The following TSPOAP1 variants were observed in gnomAD, a reference collection of about 807,000 sequenced individuals.
TSPOAP1 encodes peripheral-type benzodiazepine receptor-associated protein 1.
In TSPOAP1, 87 loss-of-function variants were observed where a neutral mutation model predicts 197.0. That is an observed-to-expected ratio of 0.44 (90% confidence interval 0.37 to 0.53). The LOEUF is 0.53. Among genes scored for constraint, TSPOAP1 ranks in the 20% least tolerant of loss-of-function variants. The pLI, the probability that TSPOAP1 is intolerant of heterozygous loss-of-function variation, is 0.00. For synonymous variants in TSPOAP1, 913 were observed against 998.9 expected (o/e 0.91, Z 1.62); for missense variants, 2,174 against 2,411.3 (o/e 0.90, Z 2.06).
rs1014590168 is a variant in TSPOAP1, at chr17:58,324,460, G to A, written c.942+351C>T. ...GGGGCGTCCCCGCTCTACGGCGGCG[G>A]CGGGAGGAGGCGGCGCGGGCTGGGC... On this transcript the variant is annotated intron_variant, in intron 5 of 31. Transcript: ENST00000343736. The surrounding 1 kb of genome is among the most constrained non-coding windows in gnomAD (Gnocchi z 5.8). Among the ~76,000 whole-genome samples the A allele has an allele frequency of 6.6e-6, 1 of 151,866 alleles. No individual in the cohort carries two copies. Among genetic ancestry groups the A allele is most frequent in the African/African-American group, 2.4e-5 (1 of 41,400 alleles).
intron 27 of TSPOAP1, 88 bp from the exon 28 acceptor site, chr17:58,305,731 T>A: frequency 4.0e-6 from 6 of 1,499,046 alleles, no homozygotes; most frequent in Non-Finnish European, 5.5e-6. Flanking sequence ...GCTGACCCCC[T>A]GTCACCACCT....
intron 1 of TSPOAP1, among the ~76,000 whole-genome samples, 193 bp downstream of exon 1, chr17:58,327,395 G>A (rs753976884): frequency 6.6e-6 from 1 of 152,186 alleles, no homozygotes; most frequent in Non-Finnish European, 1.5e-5. Context: ...GACAAATGAC[G>A]AAAGAAATGG....
chr17:58,326,829 C>T lies in TSPOAP1; in HGVS notation c.334-39G>A. 6.4e-7 allele frequency: 1 copy of T among 1,552,172 alleles called. No homozygotes were observed. Among genetic ancestry groups the T allele is most frequent in the Middle Eastern group, 1.7e-4 (1 of 5,954 alleles). On this transcript the variant is annotated intron_variant, in intron 1 of 31. Coordinates refer to ENST00000343736, the MANE Select transcript of TSPOAP1 (RefSeq NM_004758.4). The surrounding 1 kb of genome is among the most constrained non-coding windows in gnomAD (Gnocchi z 4.7). ...GGACCGAGGACAGCACCTCAGAAAC[C>T]CACGTCACCCAGCCAGAGCCTTCCC...
rs1348330174 is a variant in TSPOAP1, at chr17:58,304,921, A to G, written c.5544+140T>C. ...TGGTGGGGCTCCCCTCTGGTGGTCA[A>G]TTAGCGGCTGCACGCTGGACACAGT... is the stretch of plus-strand genomic sequence containing the variant. On this transcript the variant is annotated intron_variant, in intron 30 of 31. Transcript: ENST00000343736. The surrounding 1 kb of genome is among the most constrained non-coding windows in gnomAD (Gnocchi z 4.2). The G allele has an allele frequency of 5.5e-6, 4 of 727,400 alleles. No homozygotes were observed. The highest frequency in any genetic ancestry group is 2.0e-5 in the Admixed American group (1 of 50,562). 45.1% of individuals were successfully genotyped at this position (727,400 alleles called of 1,614,324 possible).
Position 58,328,088 on chromosome 17 carries a change from G to T in TSPOAP1, c.-168C>A. ...TTCCCCACCCACAAAGGAGGCTGCA[G>T]AAGGCGCCAGGGCTGCTGGAGCTGG... On this transcript the variant is annotated 5_prime_UTR_variant, in exon 1 of 32. The change creates a new upstream start codon in the 5' untranslated region. Transcript: ENST00000343736. This position sits in a 1 kb window ranked among gnomAD's most constrained non-coding sequence, Gnocchi z 4.3. 3.1e-6 allele frequency: 2 copies of T among 651,286 alleles called. No homozygotes were observed. The highest frequency in any genetic ancestry group is 5.2e-6 in the Non-Finnish European group (2 of 385,142). The allele number at this position is 651,286 out of a possible 1,614,324, so 40.3% of individuals were successfully genotyped here. A position where few individuals can be genotyped will look rare whatever the true frequency, so the allele number is the denominator to read the frequency against.
At chr17:58,315,069 TG>T (rs1462295922) in intron 16 of TSPOAP1, among the ~76,000 whole-genome samples, 1 of 152,142 alleles carries the variant, frequency 6.6e-6, no homozygotes, top group African/African-American at 2.4e-5. Flanking sequence ...TTGATTTGGG[TG>T]GGGTTTTTTT....
rs747775259 is a variant in TSPOAP1, at chr17:58,316,071, C to T, written c.2050G>A (p.Glu684Lys). ...ATGTTGCCATAGATGTAGATGTACT[C>T]GCCAGCTGTCAGCGGAAGCTCTGCT... Reference protein sequence around the residue: ...PEAELPLTAGEYIYIYGNMDE... With the variant: ...PEAELPLTAGKYIYIYGNMDE... The change falls in exon 16 of 32, where the codon GAG becomes AAG. Residue 684 changes from glutamate (E) to lysine (K), a missense_variant. Glu to Lys is a moderately conservative substitution (Grantham distance 56). This residue lies in a region of TSPOAP1 where 1,933 missense variants were observed against 2,139.0 expected (regional missense o/e 0.90). Coordinates refer to ENST00000343736, the MANE Select transcript of TSPOAP1 (RefSeq NM_004758.4). 5.0e-6 allele frequency: 8 copies of T among 1,614,102 alleles called. No homozygotes were observed. The highest frequency in any genetic ancestry group is 1.1e-5 in the South Asian group (1 of 91,084).
At chr17:58,316,402 G>T in intron 15 of TSPOAP1, 23 bp downstream of exon 15, 1 of 1,588,914 alleles carries the variant, frequency 6.3e-7, no homozygotes, top group African/African-American at 1.3e-5. Flanking sequence ...TGGGCTAGGG[G>T]GCAGTGAGGG....
chr17:58,323,156 C>A, intron 7 of TSPOAP1, 117 bp from the exon 8 acceptor site: 2 of 1,467,424 alleles, frequency 1.4e-6, no homozygotes, highest in South Asian at 1.2e-5. Context: ...GGAACCTGCA[C>A]CAGCCAGGAA....
In TSPOAP1 at chr17:58,306,830, A is replaced by G. The variant is rs1175287530; in HGVS notation, c.5122T>C (p.Leu1708=). ...GRQQLLQRGY[L]SPDILLEGSG... Reference sequence around the variant, plus strand: ...CCCTCAAGGAGAATATCTGGGGACAAATAACCCCGCTGGAGCAGTTGCTGT... The same window carrying G: ...CCCTCAAGGAGAATATCTGGGGACAGATAACCCCGCTGGAGCAGTTGCTGT... The change falls in exon 25 of 32, where the codon TTG becomes CTG. Residue 1708 remains leucine, a synonymous_variant. Transcript: ENST00000343736. 1.9e-6 allele frequency: 3 copies of G among 1,613,732 alleles called. No homozygotes were observed. Among genetic ancestry groups the G allele is most frequent in the Admixed American group, 1.7e-5 (1 of 59,988 alleles).
chr17:58,319,069 T>G (rs1304414602), intron 13 of TSPOAP1, 21 bp downstream of exon 13: 4 of 1,490,710 alleles, frequency 2.7e-6, no homozygotes, highest in Non-Finnish European at 3.6e-6. Context: ...TCCAGGCCAA[T>G]GCCACTGGGG....
Position 58,318,351 on chromosome 17 carries a change from C to A in TSPOAP1, c.1801G>T (p.Ala601Ser). The A allele has an allele frequency of 6.2e-7, 1 of 1,614,216 alleles. No homozygotes were observed. The highest frequency in any genetic ancestry group is 8.5e-7 in the Non-Finnish European group (1 of 1,180,026). ...TGVPRRTAKK[A>S]ESLSNSSHSE... ...TGGGAGGAGTTGGAGAGAGACTCTGCCTTCTTGGCTGTCCTTCGAGGGACC... is the reference window on the plus strand; with the variant it reads ...TGGGAGGAGTTGGAGAGAGACTCTGACTTCTTGGCTGTCCTTCGAGGGACC... The change falls in exon 14 of 32, where the codon GCA becomes TCA. Residue 601 changes from alanine (A) to serine (S), a missense_variant. Physicochemically the swap from Ala to Ser is moderately conservative, Grantham distance 99. Around this residue, in one of 5 missense-constraint regions of TSPOAP1, gnomAD observed 1,933 missense variants for 2,139.0 expected, o/e 0.90. Transcript: ENST00000343736.
intron 10 of TSPOAP1, 63 bp from the exon 11 acceptor site, chr17:58,320,644 GC>G: frequency 2.3e-6 from 3 of 1,294,326 alleles, no homozygotes; most frequent in Non-Finnish European, 2.0e-6. Context: ...AGTAGAGAGG[GC>G]TGCGAGGGAG....
chr17:58,311,885 C>T lies in TSPOAP1; in HGVS notation c.2929+7G>A. On this transcript the variant is annotated splice_region_variant and intron_variant, in intron 17 of 31. Transcript: ENST00000343736. ...TGTTCTGGACAACAGGGCCCAAGCC[C>T]ACATACCTGCTGGGAGTGTGGTGAA... The T allele has an allele frequency of 6.5e-7, 1 of 1,533,564 alleles. No individual in the cohort carries two copies. The highest frequency in any genetic ancestry group is 8.8e-7 in the Non-Finnish European group (1 of 1,140,826). The allele number at this position is 1,533,564 out of a possible 1,614,324, so 95.0% of individuals were successfully genotyped here. A position where few individuals can be genotyped will look rare whatever the true frequency, so the allele number is the denominator to read the frequency against.
chr17:58,321,300 CTTT>C (rs200542407), intron 10 of TSPOAP1, among the ~76,000 whole-genome samples: 549 of 143,686 alleles, frequency 3.8e-3, no homozygotes, highest in African/African-American at 0.013. Context: ...CTTGTCAATT[CTTT>C]TTTTTTTTTT....
At position 58,304,849 on chromosome 17, in the gene TSPOAP1, G is replaced by T; in HGVS notation, c.5544+212C>A. 1 of 672,270 alleles carries T rather than the reference G, an allele frequency of 1.5e-6. No individual in the cohort carries two copies. Among genetic ancestry groups the T allele is most frequent in the Non-Finnish European group, 2.7e-6 (1 of 365,628 alleles). The allele number at this position is 672,270 out of a possible 1,614,324, so 41.6% of individuals were successfully genotyped here. On this transcript the variant is annotated intron_variant, in intron 30 of 31. Transcript: ENST00000343736. The surrounding 1 kb of genome is among the most constrained non-coding windows in gnomAD (Gnocchi z 4.2). ...AGATGGCCTGAGGGTCAGGGTCACAGCTATCATCCCTCTGCAGAGAGGGGC... is the reference window on the plus strand; with the variant it reads ...AGATGGCCTGAGGGTCAGGGTCACATCTATCATCCCTCTGCAGAGAGGGGC...
At chr17:58,320,490 C>A in intron 11 of TSPOAP1, 41 bp downstream of exon 11, 1 of 1,494,472 alleles carries the variant, frequency 6.7e-7, no homozygotes, top group Non-Finnish European at 8.9e-7. Context: ...CCGCCTTCCT[C>A]CCAAGATGGT....
intron 14 of TSPOAP1, 57 bp from the exon 15 acceptor site, chr17:58,316,597 C>G (rs1475847650): frequency 2.6e-5 from 37 of 1,444,548 alleles, no homozygotes; most frequent in Non-Finnish European, 3.4e-5. Flanking sequence ...AAGCGCCAAG[C>G]AGGCAGGTTT....
chr17:58,310,288 G>T, intron 20 of TSPOAP1, 130 bp from the exon 21 acceptor site: 1 of 1,142,000 alleles, frequency 8.8e-7, no homozygotes, highest in Non-Finnish European at 1.2e-6. Context: ...GTCCTAAATG[G>T]GGGAGGCACA....
Sources: allele counts gnomAD v4.1 joint callset (sites outside exome capture counted in the v4.1 genomes callset), GRCh38; gene constraint gnomAD v4.1.1; regional missense constraint gnomAD v4.1.1; non-coding constraint Gnocchi (gnomAD v3.1); transcripts MANE v1.5; gene names NCBI Gene and HGNC (gene_info 2026-07-23, HGNC 2026-07-21).